The following KLHDC4 variants were observed in gnomAD, a reference collection of about 807,000 sequenced individuals.
KLHDC4 encodes kelch domain containing 4.
A neutral mutation model predicts 62.4 loss-of-function variants in KLHDC4; 90 were observed. That is an observed-to-expected ratio of 1.44 (90% CI 1.22 to 1.72). The LOEUF (loss-of-function observed/expected upper bound fraction) is 1.72, where lower values mean the gene tolerates loss of function less well. Among genes scored for constraint, KLHDC4 ranks in the 40% most tolerant of loss-of-function variants. The pLI is 0.00. For synonymous variants in KLHDC4, 386 were observed against 284.4 expected (o/e 1.36, Z -3.59); for missense variants, 1,025 against 699.7 (o/e 1.47, Z -5.25).
At chr16:87,730,160 G>C (rs569596003) in intron 6 of KLHDC4, among the ~76,000 whole-genome samples, 26 of 152,268 alleles carry the variant, frequency 1.7e-4, no homozygotes, top group Admixed American at 4.6e-4. Flanking sequence ...CACTATGTTG[G>C]CCACGCTGGT....
intron 7 of KLHDC4, among the ~76,000 whole-genome samples, chr16:87,724,748 C>A (rs1472252404): frequency 6.6e-6 from 1 of 152,206 alleles, no homozygotes; most frequent in African/African-American, 2.4e-5. Flanking sequence ...CCGGCCACTG[C>A]TTCGGGAAGA....
At chr16:87,710,310 CT>C (rs1646963495) in intron 9 of KLHDC4, 1 of 152,360 alleles carries the variant, frequency 6.6e-6, no homozygotes, top group African/African-American at 2.4e-5. Flanking sequence ...TCACAAAACG[CT>C]GCCAGCTCAC....
At chr16:87,754,829 T>A (rs1050110424) in intron 4 of KLHDC4, among the ~76,000 whole-genome samples, 1 of 152,172 alleles carries the variant, frequency 6.6e-6, no homozygotes, top group Non-Finnish European at 1.5e-5. Flanking sequence ...ATACAATTGT[T>A]TTCCTTCCAC....
At chr16:87,737,391 C>T (rs1266353409) in intron 5 of KLHDC4, among the ~76,000 whole-genome samples, 1 of 151,980 alleles carries the variant, frequency 6.6e-6, no homozygotes, top group East Asian at 1.9e-4. Context: ...AGTTCAAGAC[C>T]AGCCTGGCCA....
intron 7 of KLHDC4, among the ~76,000 whole-genome samples, chr16:87,720,643 C>T (rs1156322330): frequency 6.6e-6 from 1 of 152,244 alleles, no homozygotes; most frequent in Admixed American, 6.5e-5. Flanking sequence ...GGACCCCCGC[C>T]CAACCACGTG....
At chr16:87,704,306 C>T (rs541268520), downstream of KLHDC4, among the ~76,000 whole-genome samples, 17 of 145,750 alleles carry the variant, frequency 1.2e-4, no homozygotes, top group East Asian at 2.3e-3. Context: ...CTGAACCACA[C>T]GGGGAAGGAG....
intron 4 of KLHDC4, among the ~76,000 whole-genome samples, chr16:87,754,753 A>G (rs958836697): frequency 9.2e-5 from 14 of 152,176 alleles, no homozygotes; most frequent in African/African-American, 3.4e-4. Flanking sequence ...CTGGGTAGGA[A>G]ACCAGCTAAC....
intron 5 of KLHDC4, among the ~76,000 whole-genome samples, chr16:87,737,271 G>A (rs1039897296): frequency 4.0e-5 from 6 of 151,716 alleles, no homozygotes; most frequent in African/African-American, 1.2e-4. Flanking sequence ...CCTCAGCACT[G>A]AAATAAACCT....
chr16:87,700,230 C>G (rs1312541421), exon 1 of KLHDC4: 1 of 154,640 alleles, frequency 6.5e-6, no homozygotes, highest in East Asian at 1.9e-4. Context: ...TTTGATCTGA[C>G]TGTTCTTGCC....
exon 1 of KLHDC4, chr16:87,698,457 C>A (rs749860135): frequency 2.0e-5 from 3 of 152,366 alleles, no homozygotes; most frequent in Admixed American, 2.0e-4. Flanking sequence ...TGACACAAAA[C>A]GGTACCTGTG....
At position 87,719,193 on chromosome 16, in the gene KLHDC4, G is replaced by A. The variant is rs146547466; in HGVS notation, c.760-4620C>T. Among the ~76,000 whole-genome samples the A allele has an allele frequency of 8.2e-3, 1,248 of 152,372 alleles. 19 individuals are homozygous for A. Among genetic ancestry groups the A allele is most frequent in the Non-Finnish European group, 8.7e-3 (589 of 68,044 alleles). On this transcript the variant is annotated intron_variant, in intron 7 of 11. Transcript: ENST00000270583. The stretch of plus-strand genomic sequence containing the variant: ...GTACCCAACAGCTCATTGAGAATGG[G>A]CCATGATGATGATGGTGGTTTTGTC...
rs1173625123 is a variant in KLHDC4, at chr16:87,752,089, C to CAAAAAAAAAAAAAAA, written c.369+3090_369+3104dup. Reference sequence around the variant, plus strand: ...TGGGCAACAGAGTGAGACTTTGTCTCAAAAAAAAAAAAAAAAAAAAAAAAA... The same window carrying CAAAAAAAAAAAAAAA: ...TGGGCAACAGAGTGAGACTTTGTCTCAAAAAAAAAAAAAAAAAAAAAAAAAAAAAAAAAAAAAAAA... On this transcript the variant is annotated intron_variant, in intron 4 of 11. Coordinates refer to ENST00000270583, the MANE Select transcript of KLHDC4 (RefSeq NM_017566.4). Among the ~76,000 whole-genome samples the CAAAAAAAAAAAAAAA allele has an allele frequency of 1.4e-4, 4 of 29,462 alleles. 1 individual carries two copies. Among genetic ancestry groups the CAAAAAAAAAAAAAAA allele is most frequent in the African/African-American group, 6.8e-4 (4 of 5,858 alleles). 19.3% of individuals were successfully genotyped at this position (29,462 alleles called of 152,430 possible). A position where few individuals can be genotyped will look rare whatever the true frequency, so the allele number is the denominator to read the frequency against.
chr16:87,759,116 G>C (rs2045473254), intron 2 of KLHDC4, among the ~76,000 whole-genome samples: 1 of 152,146 alleles, frequency 6.6e-6, no homozygotes, highest in Non-Finnish European at 1.5e-5. Flanking sequence ...AGGTTGCGGT[G>C]AGCCGATATC....
chr16:87,711,320 T>C lies in KLHDC4; in HGVS notation c.959A>G (p.Glu320Gly), dbSNP rs1167780196. The C allele has an allele frequency of 6.2e-7, 1 of 1,613,944 alleles. No homozygotes were observed. The highest frequency in any genetic ancestry group is 8.5e-7 in the Non-Finnish European group (1 of 1,179,990). ...GAACTCGCCCGACAGGCTCTCCTCC[T>C]CTTCCTCGTCACAGACACCCCCGAA... ...LFFGGVCDEE[E>G]EESLSGEFFN... The change falls in exon 9 of 12, where the codon GAG becomes GGG. Residue 320 changes from glutamate to glycine, a missense_variant. Physicochemically the swap from Glu to Gly is moderately conservative, Grantham distance 98. Coordinates refer to ENST00000270583, the MANE Select transcript of KLHDC4 (RefSeq NM_017566.4).
At chr16:87,753,407 G>A (rs2044332455) in intron 4 of KLHDC4, among the ~76,000 whole-genome samples, 2 of 150,522 alleles carry the variant, frequency 1.3e-5, no homozygotes, top group Non-Finnish European at 3.0e-5. Context: ...ACCACTGAGG[G>A]CTAAGCCAGC....
At chr16:87,754,071 C>T (rs983149620) in intron 4 of KLHDC4, among the ~76,000 whole-genome samples, 3 of 145,234 alleles carry the variant, frequency 2.1e-5, no homozygotes, top group East Asian at 2.0e-4. Flanking sequence ...ACCCAGGAGG[C>T]GGAAATTGCA....
At chr16:87,765,396 C>T (rs972883251) in intron 1 of KLHDC4, 13 of 477,218 alleles carry the variant, frequency 2.7e-5, no homozygotes, top group Non-Finnish European at 4.6e-5. Context: ...CCAGACCACA[C>T]ATCATGCAGA....
intron 9 of KLHDC4, chr16:87,710,120 A>G (rs1219326874): frequency 6.1e-6 from 1 of 164,408 alleles, no homozygotes; most frequent in Non-Finnish European, 1.3e-5. Context: ...CCACAAGCCC[A>G]GCTCATTTAC....
At position 87,765,912 on chromosome 16, in the gene KLHDC4, A is replaced by G. The variant is rs1224828213; in HGVS notation, c.-22T>C. 3 of 1,549,284 alleles carry G rather than the reference A, an allele frequency of 1.9e-6. No homozygotes were observed. The highest frequency in any genetic ancestry group is 3.9e-5 in the Admixed American group (2 of 50,972). On this transcript the variant is annotated 5_prime_UTR_variant, in exon 1 of 12. Coordinates refer to ENST00000270583, the MANE Select transcript of KLHDC4 (RefSeq NM_017566.4). ...CCATCTTGCCGGGTCCCAAGCCGCG[A>G]CGGGACACCAGGAAAGAAAACGGCC...
Sources: allele counts gnomAD v4.1 joint callset (sites outside exome capture counted in the v4.1 genomes callset), GRCh38; gene constraint gnomAD v4.1.1; transcripts MANE v1.5; gene names NCBI Gene and HGNC (gene_info 2026-07-23, HGNC 2026-07-21).